Variants in AVL9 observed in about 807,000 individuals in gnomAD.
AVL9 encodes the protein AVL9 cell migration associated, also known as late secretory pathway protein AVL9 homolog.
Under a neutral mutation model 79.2 loss-of-function variants are expected in AVL9, and 49 were observed. The ratio of observed to expected loss-of-function variants is 0.62; its 90% CI spans 0.49 to 0.79. The LOEUF (loss-of-function observed/expected upper bound fraction) is 0.79, where lower values mean the gene tolerates loss of function less well. AVL9 is among the 30% of genes least tolerant of loss of function. The probability of loss-of-function intolerance (pLI) is 0.00; values close to 1 mark genes in which losing one functional copy is unlikely to be tolerated. For synonymous variants in AVL9, 299 were observed against 280.6 expected, an observed-to-expected ratio of 1.07 and a Z score of -0.65; for missense variants, 682 against 776.8, an observed-to-expected ratio of 0.88 and a Z score of 1.45.
rs371857320 is a variant in AVL9 at position 32,552,310 on chromosome 7, T to C, written c.529+15T>C. 6.5e-5 allele frequency: 101 copies of C among 1,550,792 alleles called. No individual in the cohort carries two copies. The African/African-American group carries it at 1.2e-3, about 19-fold the overall frequency. ...AGTATATCTTGGTAAGTAACTGACT[T>C]ACAAGTTAAAAGAGATCCCCTCATT... On this transcript the variant is annotated intron_variant, in intron 6 of 15. Transcript: ENST00000318709.
At chr7:32,563,030 T>C (rs901843230) in intron 10 of AVL9, among the ~76,000 whole-genome samples, 3 of 152,148 alleles carry the variant, frequency 2.0e-5, no homozygotes, top group Non-Finnish European at 4.4e-5. Flanking sequence ...ATGGTTTTTG[T>C]TGTGTTTTGT....
At position 32,548,735 on chromosome 7, in the gene AVL9, TTAAC is replaced by T. The variant is rs1789654497; in HGVS notation, c.301-110_301-107del. On this transcript the variant is annotated intron_variant, in intron 3 of 15. Coordinates refer to ENST00000318709, the MANE Select transcript of AVL9 (RefSeq NM_015060.3). ...AGTCTTAATAAAAAACTTTTTGAAT[TTAAC>T]TGAATGTAAGAAATTTCTTATATAT... is the stretch of plus-strand genomic sequence containing the variant. 4 of 719,968 alleles carry T rather than the reference TTAAC, an allele frequency of 5.6e-6. No homozygotes were observed. The South Asian group carries it at 9.3e-5, about 17-fold the overall frequency. 44.6% of individuals were successfully genotyped at this position (719,968 alleles called of 1,614,324 possible).
At chr7:32,543,449 T>C (rs1007153670) in intron 2 of AVL9, among the ~76,000 whole-genome samples, 188 bp downstream of exon 2, 3 of 152,244 alleles carry the variant, frequency 2.0e-5, no homozygotes, top group Non-Finnish European at 4.4e-5. Flanking sequence ...CAGGCTTACA[T>C]TGGCTGTGGC....
chr7:32,517,066 T>C (rs1221735590), intron 1 of AVL9, among the ~76,000 whole-genome samples: 1 of 152,206 alleles, frequency 6.6e-6, no homozygotes, highest in Non-Finnish European at 1.5e-5. Context: ...GTTTTTGTTA[T>C]TGTTAATTGT....
chr7:32,582,072 C>G (rs559545877), intron 15 of AVL9, among the ~76,000 whole-genome samples: 1 of 152,294 alleles, frequency 6.6e-6, no homozygotes, highest in Admixed American at 6.5e-5. Flanking sequence ...GAATATTGTT[C>G]CACATCAGTT....
At chr7:32,562,514 CTT>C in intron 10 of AVL9, 2 of 526,082 alleles carry the variant, frequency 3.8e-6, no homozygotes, top group Non-Finnish European at 4.9e-6. Context: ...TTTTTAATAA[CTT>C]AAATGCAATA....
chr7:32,502,145 C>A (rs777748376), intron 1 of AVL9, among the ~76,000 whole-genome samples: 1 of 151,896 alleles, frequency 6.6e-6, no homozygotes, highest in Non-Finnish European at 1.5e-5. Context: ...GGGAAGATCG[C>A]TTGAGCCCAG....
chr7:32,555,555 T>C (rs1304127098), intron 8 of AVL9, among the ~76,000 whole-genome samples: 1 of 152,212 alleles, frequency 6.6e-6, no homozygotes, highest in African/African-American at 2.4e-5. Flanking sequence ...ATACATAAAA[T>C]TTTATTGGAA....
At chr7:32,527,273 C>T (rs1020062286) in intron 1 of AVL9, among the ~76,000 whole-genome samples, 2 of 152,180 alleles carry the variant, frequency 1.3e-5, no homozygotes, top group Non-Finnish European at 2.9e-5. Flanking sequence ...TACCCCTATA[C>T]TAATGAAAAT....
At chr7:32,542,012 C>A (rs1450682089) in intron 1 of AVL9, among the ~76,000 whole-genome samples, 1 of 152,050 alleles carries the variant, frequency 6.6e-6, no homozygotes, top group Non-Finnish European at 1.5e-5. Context: ...CCGTGCCCAG[C>A]CAATTTTTCA....
At chr7:32,498,536 C>T (rs1335721786) in intron 1 of AVL9, among the ~76,000 whole-genome samples, 2 of 151,956 alleles carry the variant, frequency 1.3e-5, no homozygotes, top group African/African-American at 2.4e-5. Flanking sequence ...AGGCATCAGG[C>T]CAGATGTATT....
intron 1 of AVL9, chr7:32,538,025 G>T (rs1788994684): frequency 1.3e-5 from 2 of 152,154 alleles, no homozygotes; most frequent in Non-Finnish European, 2.9e-5. Context: ...TTTACCCATG[G>T]AATTCTTGGA....
chr7:32,573,093 A>G (rs941452286), intron 11 of AVL9, 106 bp from the exon 12 acceptor site: 25 of 811,202 alleles, frequency 3.1e-5, no homozygotes, highest in Non-Finnish European at 4.4e-5. Context: ...GCCATTATTC[A>G]TATTTTTTAT....
chr7:32,500,152 TCCTTGAGGAATCA>T (rs1294196177), intron 1 of AVL9, among the ~76,000 whole-genome samples: 4 of 152,168 alleles, frequency 2.6e-5, no homozygotes, highest in African/African-American at 9.7e-5. Context: ...TGGTTCTAGA[TCCTTGAGGAATCA>T]CCACACTGTC....
chr7:32,529,423 C>T (rs1310806065), intron 1 of AVL9, among the ~76,000 whole-genome samples: 1 of 152,178 alleles, frequency 6.6e-6, no homozygotes, highest in African/African-American at 2.4e-5. Context: ...GTACATGGCA[C>T]CTAGAATAAG....
intron 1 of AVL9, among the ~76,000 whole-genome samples, chr7:32,507,750 G>A (rs1387154605): frequency 6.6e-6 from 1 of 152,190 alleles, no homozygotes; most frequent in African/African-American, 2.4e-5. Context: ...CATTTTGTTG[G>A]ATATATACTT....
chr7:32,529,987 A>G (rs1191351344), intron 1 of AVL9, among the ~76,000 whole-genome samples: 1 of 152,208 alleles, frequency 6.6e-6, no homozygotes, highest in Non-Finnish European at 1.5e-5. Flanking sequence ...ATTTCATTAT[A>G]TACATAGACT....
intron 1 of AVL9, among the ~76,000 whole-genome samples, chr7:32,528,753 G>A (rs1788510782): frequency 6.6e-6 from 1 of 152,224 alleles, no homozygotes; most frequent in South Asian, 2.1e-4. Flanking sequence ...GCTCACGCCT[G>A]TAATCCCAGC....
intron 2 of AVL9, among the ~76,000 whole-genome samples, chr7:32,543,569 G>A (rs1583549610): frequency 6.6e-6 from 1 of 152,172 alleles, no homozygotes; most frequent in African/African-American, 2.4e-5. Context: ...AAATCAGGGG[G>A]CTTACCAGCA....
Sources: allele counts gnomAD v4.1 joint callset (sites outside exome capture counted in the v4.1 genomes callset), GRCh38; gene constraint gnomAD v4.1.1; transcripts MANE v1.5; gene names NCBI Gene and HGNC (gene_info 2026-07-23, HGNC 2026-07-21).